VPS41: variants seen among roughly 807,000 people sequenced by gnomAD.
VPS41 encodes VPS41 subunit of HOPS complex.
VPS41 carries 85 observed loss-of-function variants against 130.9 expected under a neutral mutation model. The observed-to-expected ratio is 0.65, with a 90% CI of 0.55 to 0.78. VPS41 has a LOEUF of 0.78. Among genes scored for constraint, VPS41 ranks in the 30% least tolerant of loss-of-function variants. The pLI, the probability that VPS41 is intolerant of heterozygous loss-of-function variation, is 0.00. For missense variants in VPS41, 874 were observed against 1,018.7 expected (o/e 0.86, Z 1.93); for synonymous variants, 335 against 332.9 (o/e 1.01, Z -0.07).
intron 10 of VPS41, 37 bp downstream of exon 10, chr7:38,789,764 G>A: frequency 6.2e-7 from 1 of 1,609,626 alleles, no homozygotes. Context: ...TTTGAATGAA[G>A]TTTTACATCC....
chr7:38,892,051 G>A (rs10264217), intron 2 of VPS41, among the ~76,000 whole-genome samples: 134,834 of 152,040 alleles, frequency 0.89, 59,863 homozygotes, highest in East Asian at 1. Context: ...TCTATTCTCT[G>A]GAATAGAAAG....
At position 38,774,200 on chromosome 7, in the gene VPS41, TGGCTGGATG is replaced by T. The variant is rs751001346; in HGVS notation, c.918_926del (p.Ile307_Pro309del). ...AGATCTCTTCACAAGTCTCAGAAAG[TGGCTGGATG>T]ATGTCCAGTCTAGGCCTGGCACAGT... On this transcript the variant is annotated inframe_deletion, in exon 12 of 29. Transcript: ENST00000310301. 1.2e-6 allele frequency: 2 copies of T among 1,609,610 alleles called. No individual in the cohort carries two copies. Among genetic ancestry groups the T allele is most frequent in the Admixed American group, 3.3e-5 (2 of 59,972 alleles).
intron 5 of VPS41, among the ~76,000 whole-genome samples, chr7:38,824,157 C>T (rs1045026397): frequency 1.3e-5 from 2 of 152,194 alleles, no homozygotes; most frequent in African/African-American, 4.8e-5. Context: ...CTAACTTAAT[C>T]TATTTCTTTT....
At chr7:38,876,616 T>A (rs1786497730) in intron 2 of VPS41, among the ~76,000 whole-genome samples, 1 of 152,188 alleles carries the variant, frequency 6.6e-6, no homozygotes, top group African/African-American at 2.4e-5. Flanking sequence ...CGGTTCAACA[T>A]CCTCTTCAAC....
intron 4 of VPS41, among the ~76,000 whole-genome samples, chr7:38,861,367 G>C (rs746139746): frequency 2.7e-4 from 41 of 152,148 alleles, no homozygotes; most frequent in Non-Finnish European, 5.1e-4. Context: ...CCCAGTACCA[G>C]GTACACATTT....
intron 2 of VPS41, among the ~76,000 whole-genome samples, chr7:38,886,281 G>A (rs891086648): frequency 6.6e-5 from 10 of 152,176 alleles, no homozygotes; most frequent in Non-Finnish European, 1.3e-4. Flanking sequence ...CTGGAGGAAC[G>A]GTATACTCCT....
intron 25 of VPS41, among the ~76,000 whole-genome samples, chr7:38,734,486 G>A (rs1795726650): frequency 6.6e-6 from 1 of 152,098 alleles, no homozygotes; most frequent in African/African-American, 2.4e-5. Context: ...AAATAAGAAT[G>A]AATTTACAAC....
At chr7:38,895,449 A>G (rs1465657370) in intron 2 of VPS41, among the ~76,000 whole-genome samples, 3 of 135,412 alleles carry the variant, frequency 2.2e-5, no homozygotes, top group Non-Finnish European at 4.7e-5. Flanking sequence ...TGCTACTGAA[A>G]CCTCTGATTC....
At chr7:38,775,983 G>A (rs1784252004) in intron 11 of VPS41, among the ~76,000 whole-genome samples, 1 of 152,060 alleles carries the variant, frequency 6.6e-6, no homozygotes, top group Non-Finnish European at 1.5e-5. Flanking sequence ...CCCTATTCTT[G>A]TGCTGGCAGG....
At chr7:38,870,157 C>T (rs1360201176) in intron 2 of VPS41, among the ~76,000 whole-genome samples, 2 of 152,058 alleles carry the variant, frequency 1.3e-5, no homozygotes, top group Non-Finnish European at 2.9e-5. Flanking sequence ...CTGGCACTTG[C>T]GGGGATGGAG....
intron 7 of VPS41, among the ~76,000 whole-genome samples, chr7:38,801,241 T>C (rs1348350552): frequency 2.6e-5 from 4 of 152,166 alleles, no homozygotes; most frequent in Non-Finnish European, 5.9e-5. Flanking sequence ...TGACATGCAA[T>C]TAAAAGAGCA....
chr7:38,743,278 T>C, intron 24 of VPS41, 124 bp downstream of exon 24: 2 of 1,089,696 alleles, frequency 1.8e-6, no homozygotes, highest in Non-Finnish European at 1.3e-6. Flanking sequence ...ACCTGGCCTA[T>C]TTTTATTGTA....
intron 7 of VPS41, among the ~76,000 whole-genome samples, chr7:38,808,602 C>A (rs550689376): frequency 6.6e-6 from 1 of 152,286 alleles, no homozygotes; most frequent in African/African-American, 2.4e-5. Context: ...AATTTTAATT[C>A]TTAAAAATGT....
At chr7:38,840,103 C>T (rs1399536351) in intron 4 of VPS41, among the ~76,000 whole-genome samples, 1 of 152,156 alleles carries the variant, frequency 6.6e-6, no homozygotes, top group African/African-American at 2.4e-5. Flanking sequence ...GAGGCTGAAG[C>T]AAACGGGGAA....
chr7:38,874,332 C>T lies in VPS41; in HGVS notation c.61-5079G>A, dbSNP rs117913925. Among the ~76,000 whole-genome samples the T allele has an allele frequency of 3.9e-5, 6 of 152,242 alleles. No individual in the cohort carries two copies. The East Asian group carries it at 1.2e-3, about 29-fold the overall frequency. On this transcript the variant is annotated intron_variant, in intron 2 of 28. Transcript: ENST00000310301. ...CTGGATACCATTTCTTTATTAAAAT[C>T]CATTTTGTTTTGTTTTTACAAAATA...
At chr7:38,808,373 C>T (rs1199955917) in intron 7 of VPS41, among the ~76,000 whole-genome samples, 2 of 152,162 alleles carry the variant, frequency 1.3e-5, no homozygotes, top group Non-Finnish European at 2.9e-5. Context: ...TAAAAAAATG[C>T]TTGTGAAGGT....
chr7:38,728,299 C>T (rs370292381), intron 27 of VPS41: 80 of 658,924 alleles, frequency 1.2e-4, no homozygotes, highest in African/African-American at 1.2e-3. Flanking sequence ...ACTGGGTCAG[C>T]GATCTGGGTT....
intron 1 of VPS41, among the ~76,000 whole-genome samples, chr7:38,908,207 C>A (rs1230464132): frequency 7.0e-6 from 1 of 143,122 alleles, no homozygotes; most frequent in Non-Finnish European, 1.5e-5. Flanking sequence ...CAACTGACAG[C>A]CCTGTTAACT....
At chr7:38,803,796 A>T (rs1457761006) in intron 7 of VPS41, among the ~76,000 whole-genome samples, 1 of 152,178 alleles carries the variant, frequency 6.6e-6, no homozygotes, top group African/African-American at 2.4e-5. Context: ...GCAGGAATGA[A>T]TGACCAGGAA....
Sources: allele counts gnomAD v4.1 joint callset (sites outside exome capture counted in the v4.1 genomes callset), GRCh38; gene constraint gnomAD v4.1.1; transcripts MANE v1.5; gene names NCBI Gene and HGNC (gene_info 2026-07-23, HGNC 2026-07-21).